Variants in ADGRL3 observed in about 807,000 individuals in gnomAD.
ADGRL3 encodes adhesion G protein-coupled receptor L3.
In ADGRL3, 62 loss-of-function variants were observed where a neutral mutation model predicts 153.5. That is an observed-to-expected ratio of 0.40 (90% CI 0.33 to 0.50). The LOEUF (loss-of-function observed/expected upper bound fraction) is 0.50, where lower values mean the gene tolerates loss of function less well. Ranked by LOEUF, ADGRL3 falls within the 20% of genes least tolerant of loss-of-function variation. ADGRL3 has a pLI of 0.47. For synonymous variants in ADGRL3, 710 were observed against 672.5 expected, an observed-to-expected ratio of 1.06 and a Z score of -0.86; for missense variants, 1,641 against 1,859.4, an observed-to-expected ratio of 0.88 and a Z score of 2.16.
chr4:61,662,050 A>G (rs552535449), intron 5 of ADGRL3, among the ~76,000 whole-genome samples: 6 of 152,356 alleles, frequency 3.9e-5, no homozygotes, highest in African/African-American at 1.4e-4. Flanking sequence ...GGCCACTGCC[A>G]TAATGCCAGC....
rs137890201 is a variant in ADGRL3 at position 61,616,502 on chromosome 4, A to G, written c.473+29062A>G. Among the ~76,000 whole-genome samples the G allele has an allele frequency of 1.7e-3, 263 of 152,296 alleles. 2 individuals are homozygous for G. Among genetic ancestry groups the G allele is most frequent in the African/African-American group, 6.0e-3 (250 of 41,564 alleles). ...GAATTTTAAGCAACACAAAAACCACAAGAGACGCCTTGTCCTTCTCAAACA... is the reference window on the plus strand; with the variant it reads ...GAATTTTAAGCAACACAAAAACCACGAGAGACGCCTTGTCCTTCTCAAACA... On this transcript the variant is annotated intron_variant, in intron 5 of 26. Transcript: ENST00000683033.
At chr4:61,617,002 T>C (rs2092076358) in intron 5 of ADGRL3, among the ~76,000 whole-genome samples, 1 of 152,148 alleles carries the variant, frequency 6.6e-6, no homozygotes, top group Non-Finnish European at 1.5e-5. Context: ...TACAAGATCC[T>C]ATAATTTCTG....
chr4:61,847,599 ATATAT>A (rs1239844215), intron 9 of ADGRL3, among the ~76,000 whole-genome samples: 8 of 80,282 alleles, frequency 1.0e-4, no homozygotes, highest in East Asian at 7.0e-4. Context: ...TATATATATA[ATATAT>A]AATATATTAT....
At chr4:61,748,026 C>G (rs1354833025) in intron 8 of ADGRL3, among the ~76,000 whole-genome samples, 1 of 151,710 alleles carries the variant, frequency 6.6e-6, no homozygotes, top group East Asian at 2.0e-4. Flanking sequence ...GATACAAAAT[C>G]AATGTACAAA....
At chr4:61,445,664 A>T (rs1253289072) in intron 2 of ADGRL3, among the ~76,000 whole-genome samples, 1 of 152,180 alleles carries the variant, frequency 6.6e-6, no homozygotes, top group East Asian at 1.9e-4. Flanking sequence ...TAGATCCTTT[A>T]GATCTTAATT....
intron 1 of ADGRL3, among the ~76,000 whole-genome samples, chr4:61,301,847 A>G (rs1483265963): frequency 2.0e-5 from 3 of 152,200 alleles, no homozygotes; most frequent in African/African-American, 4.8e-5. Context: ...TAGTTCAGCA[A>G]ATATTTCAGT....
intron 10 of ADGRL3, among the ~76,000 whole-genome samples, chr4:61,895,182 C>A (rs994949798): frequency 6.6e-6 from 1 of 152,086 alleles, no homozygotes; most frequent in African/African-American, 2.4e-5. Context: ...TAAAAACAGT[C>A]CTCGGCTGGA....
Position 61,620,634 on chromosome 4 carries a change from C to CTTTTT in ADGRL3, c.473+33215_473+33219dup, listed in dbSNP as rs71664993. Among the ~76,000 whole-genome samples the CTTTTT allele has an allele frequency of 8.7e-4, 61 of 69,720 alleles. 2 individuals are homozygous for CTTTTT. The highest frequency in any genetic ancestry group is 1.5e-3 in the Admixed American group (7 of 4,610). 45.7% of individuals were successfully genotyped at this position (69,720 alleles called of 152,430 possible). On this transcript the variant is annotated intron_variant, in intron 5 of 26. Transcript: ENST00000683033. ...ATGGTATATATAGTGTAAATTGTGA[C>CTTTTT]TTTTTTTTTTTTTTTTTTTTTTTTT...
chr4:61,543,129 A>G (rs947019005), intron 4 of ADGRL3, among the ~76,000 whole-genome samples: 116 of 148,180 alleles, frequency 7.8e-4, no homozygotes, highest in African/African-American at 2.8e-3. Context: ...AGGCAGAATT[A>G]TCCCTCCCCC....
intron 2 of ADGRL3, among the ~76,000 whole-genome samples, chr4:61,448,235 A>G (rs941768594): frequency 6.6e-6 from 1 of 152,108 alleles, no homozygotes; most frequent in Admixed American, 6.6e-5. Flanking sequence ...GTATTTATTT[A>G]ACTTCTTTTA....
intron 8 of ADGRL3, among the ~76,000 whole-genome samples, chr4:61,771,039 A>T (rs1012248335): frequency 6.6e-6 from 1 of 152,180 alleles, no homozygotes; most frequent in Non-Finnish European, 1.5e-5. Flanking sequence ...AAAAACAAAA[A>T]GGGGTCCTGA....
chr4:61,358,996 C>T (rs1407451078), intron 1 of ADGRL3, among the ~76,000 whole-genome samples: 1 of 152,166 alleles, frequency 6.6e-6, no homozygotes, highest in Non-Finnish European at 1.5e-5. Flanking sequence ...ACTCACACCC[C>T]TAAAAATGTC....
intron 17 of ADGRL3, among the ~76,000 whole-genome samples, chr4:61,971,445 A>C (rs1019774336): frequency 6.6e-6 from 1 of 152,126 alleles, no homozygotes; most frequent in Admixed American, 6.5e-5. Context: ...ACTGAGAATG[A>C]TGATTTCCAA....
chr4:61,515,164 A>G (rs1471189888), intron 3 of ADGRL3, among the ~76,000 whole-genome samples: 2 of 152,042 alleles, frequency 1.3e-5, no homozygotes. Context: ...CTTCCAGACT[A>G]TTCTTCACCT....
chr4:62,035,469 T>A (rs963230311), intron 23 of ADGRL3, among the ~76,000 whole-genome samples: 1 of 152,062 alleles, frequency 6.6e-6, no homozygotes, highest in East Asian at 1.9e-4. Flanking sequence ...ACCATTTTGC[T>A]GTGTACCTCA....
chr4:61,891,598 G>A (rs1027477856), intron 9 of ADGRL3, among the ~76,000 whole-genome samples: 7 of 152,070 alleles, frequency 4.6e-5, no homozygotes, highest in African/African-American at 1.4e-4. Context: ...TCGGGGCAGC[G>A]GAGATGATGA....
At chr4:61,543,011 T>C (rs537406516) in intron 4 of ADGRL3, among the ~76,000 whole-genome samples, 1 of 152,302 alleles carries the variant, frequency 6.6e-6, no homozygotes, top group Non-Finnish European at 1.5e-5. Flanking sequence ...TTAGTCAGAC[T>C]CACAGAATTG....
chr4:61,612,268 T>A (rs1218545657), intron 5 of ADGRL3, among the ~76,000 whole-genome samples: 1 of 152,186 alleles, frequency 6.6e-6, no homozygotes, highest in Non-Finnish European at 1.5e-5. Context: ...GCCATGAGGT[T>A]ATTGTGAATT....
chr4:61,726,210 G>GTTTTTTTTTTTTTTTGTTTTTTTT (rs149472429), intron 6 of ADGRL3, among the ~76,000 whole-genome samples: 12 of 118,528 alleles, frequency 1.0e-4, no homozygotes, highest in African/African-American at 3.8e-4. Context: ...TTTTTTTTTT[G>GTTTTTTTTTTTTTTTGTTTTTTTT]TTTTTTGAGA....
Sources: gnomAD v4.1 joint callset for allele counts (sites outside exome capture counted in the v4.1 genomes callset) on GRCh38, gnomAD v4.1.1 for gene constraint, MANE v1.5 for transcripts, NCBI Gene and HGNC (gene_info 2026-07-23, HGNC 2026-07-21) for gene names.